Variants in ANKS1B observed in about 807,000 individuals in gnomAD.
ANKS1B encodes ankyrin repeat and sterile alpha motif domain-containing protein 1B.
Under a neutral mutation model 148.3 loss-of-function variants are expected in ANKS1B, and 36 were observed. The observed-to-expected ratio is 0.24, with a 90% CI of 0.19 to 0.32. The LOEUF is 0.32. Ranked by LOEUF, ANKS1B falls within the 10% of genes least tolerant of loss-of-function variation. The probability of loss-of-function intolerance (pLI) is 1.00; values close to 1 mark genes in which losing one functional copy is unlikely to be tolerated. For synonymous variants in ANKS1B, 542 were observed against 560.8 expected (o/e 0.97, Z 0.47); for missense variants, 1,157 against 1,542.6 (o/e 0.75, Z 4.19).
intron 2 of ANKS1B, among the ~76,000 whole-genome samples, chr12:99,818,553 T>C (rs2082144477): frequency 6.6e-6 from 1 of 151,792 alleles, no homozygotes; most frequent in Non-Finnish European, 1.5e-5. Context: ...GTCTTAAATG[T>C]AAAGTAGCAT....
At chr12:99,648,417 A>G (rs1189529434) in intron 9 of ANKS1B, 2 of 1,614,066 alleles carry the variant, frequency 1.2e-6, no homozygotes, top group African/African-American at 1.3e-5. Context: ...CCTGCCTCAC[A>G]CTACCTGATG....
At chr12:99,295,226 A>G (rs1285890219) in intron 12 of ANKS1B, among the ~76,000 whole-genome samples, 3 of 152,222 alleles carry the variant, frequency 2.0e-5, no homozygotes, top group African/African-American at 7.2e-5. Flanking sequence ...CCACATGTTC[A>G]CTAACACTTG....
intron 16 of ANKS1B, among the ~76,000 whole-genome samples, chr12:99,071,920 C>T (rs887469045): frequency 1.3e-5 from 2 of 152,138 alleles, no homozygotes; most frequent in Non-Finnish European, 2.9e-5. Context: ...GCTGGGATTA[C>T]AGGTATGAGC....
intron 12 of ANKS1B, among the ~76,000 whole-genome samples, chr12:99,323,862 G>A (rs1287134413): frequency 2.0e-5 from 3 of 152,062 alleles, no homozygotes; most frequent in Non-Finnish European, 4.4e-5. Flanking sequence ...AGACTCAAGC[G>A]ATTTAAATTC....
chr12:99,853,769 G>T (rs934999490), intron 1 of ANKS1B, among the ~76,000 whole-genome samples: 7 of 151,950 alleles, frequency 4.6e-5, no homozygotes, highest in Non-Finnish European at 8.8e-5. Context: ...AATTATTAAG[G>T]TAATTAAGGA....
chr12:99,655,136 T>C lies in ANKS1B; in HGVS notation c.1203A>G (p.Pro401=), dbSNP rs776694568. The C allele has an allele frequency of 6.8e-6, 11 of 1,612,986 alleles. No homozygotes were observed. Among genetic ancestry groups the C allele is most frequent in the South Asian group, 1.1e-5 (1 of 90,926 alleles). The change falls in exon 9 of 27, where the codon CCA becomes CCG. Residue 401 remains proline (P), a synonymous_variant. Transcript: ENST00000683438. ...GAGTTAATGCTTCCCAAAGTCCTGA[T>C]GGCCCACACGTATTTTCATCATCAT... ...EEDDDENTCG[P]SGLWEALTPC...
Position 98,763,894 on chromosome 12 carries a change from C to T in ANKS1B, c.3579+9148G>A, listed in dbSNP as rs186633294. ...TGAGGTTTAACTTTATGCCTCACCC[C>T]AAGTATAGGAGGTTGGGCCTTACTT... On this transcript the variant is annotated intron_variant, in intron 25 of 26. Coordinates refer to ENST00000683438, the MANE Select transcript of ANKS1B (RefSeq NM_001352186.2). Among the ~76,000 whole-genome samples, 107 of 152,284 alleles carry T rather than the reference C, an allele frequency of 7.0e-4. 1 individual carries two copies. The highest frequency in any genetic ancestry group is 2.0e-3 in the African/African-American group (85 of 41,556).
At chr12:99,433,631 G>A (rs1328835045) in intron 11 of ANKS1B, among the ~76,000 whole-genome samples, 1 of 152,152 alleles carries the variant, frequency 6.6e-6, no homozygotes, top group Non-Finnish European at 1.5e-5. Flanking sequence ...AAACTGCAGT[G>A]CTATATAAGT....
chr12:99,920,778 G>A (rs2094327816), intron 1 of ANKS1B, among the ~76,000 whole-genome samples: 5 of 152,100 alleles, frequency 3.3e-5, no homozygotes. Context: ...CCCAGCTCAA[G>A]AACAGAACAA....
intron 10 of ANKS1B, among the ~76,000 whole-genome samples, chr12:99,483,065 G>T (rs780441746): frequency 4.2e-4 from 64 of 151,150 alleles, no homozygotes; most frequent in Non-Finnish European, 7.7e-4. Context: ...AGGCAAGCTT[G>T]TTTTGTTCCT....
intron 17 of ANKS1B, among the ~76,000 whole-genome samples, chr12:98,858,734 T>A (rs1250254245): frequency 6.6e-6 from 1 of 152,102 alleles, no homozygotes; most frequent in Non-Finnish European, 1.5e-5. Flanking sequence ...TGACCCTCAC[T>A]CCATGGGCAA....
At chr12:99,852,837 AC>A (rs1299049394) in intron 1 of ANKS1B, among the ~76,000 whole-genome samples, 2 of 152,222 alleles carry the variant, frequency 1.3e-5, no homozygotes, top group African/African-American at 4.8e-5. Flanking sequence ...ACTCTGCTCA[AC>A]GGCTGCCTGA....
chr12:99,054,565 G>A (rs2099968357), intron 16 of ANKS1B, among the ~76,000 whole-genome samples: 1 of 151,970 alleles, frequency 6.6e-6, no homozygotes, highest in Non-Finnish European at 1.5e-5. Flanking sequence ...TTGAAATGGA[G>A]TCTTGCTCTA....
intron 12 of ANKS1B, among the ~76,000 whole-genome samples, chr12:99,307,803 T>C (rs912036054): frequency 2.0e-5 from 3 of 152,052 alleles, no homozygotes; most frequent in African/African-American, 7.2e-5. Flanking sequence ...TCAAATGTGA[T>C]CTAGGCCAAC....
chr12:99,362,321 T>C, intron 12 of ANKS1B, among the ~76,000 whole-genome samples: 1 of 152,168 alleles, frequency 6.6e-6, no homozygotes, highest in South Asian at 2.1e-4. Flanking sequence ...TCTTTACATA[T>C]ATTATCTCAT....
At chr12:99,342,567 T>A (rs1340017788) in intron 12 of ANKS1B, among the ~76,000 whole-genome samples, 1 of 152,076 alleles carries the variant, frequency 6.6e-6, no homozygotes, top group East Asian at 1.9e-4. Flanking sequence ...CTGCTTCCAC[T>A]GAGATTCCAT....
intron 17 of ANKS1B, among the ~76,000 whole-genome samples, chr12:98,985,052 T>G (rs1041118521): frequency 6.6e-6 from 1 of 152,196 alleles, no homozygotes; most frequent in Non-Finnish European, 1.5e-5. Context: ...TGGAAGTTCT[T>G]GTAGACAAAT....
chr12:99,292,146 G>A (rs1004436943), intron 12 of ANKS1B, among the ~76,000 whole-genome samples: 6 of 152,002 alleles, frequency 3.9e-5, no homozygotes, highest in Non-Finnish European at 8.8e-5. Flanking sequence ...CAAAGCCAAA[G>A]TAGACAAATG....
intron 9 of ANKS1B, among the ~76,000 whole-genome samples, chr12:99,606,896 T>C (rs1032821701): frequency 1.3e-5 from 2 of 152,110 alleles, no homozygotes; most frequent in Admixed American, 1.3e-4. Context: ...CCAAAGCCTC[T>C]GAAACACTGG....
Sources: allele counts gnomAD v4.1 joint callset (sites outside exome capture counted in the v4.1 genomes callset), GRCh38; gene constraint gnomAD v4.1.1; transcripts MANE v1.5; gene names NCBI Gene and HGNC (gene_info 2026-07-23, HGNC 2026-07-21).